The following DENND1A variants were observed in gnomAD, a reference collection of about 807,000 sequenced individuals.
DENND1A encodes DENN domain-containing protein 1A.
In DENND1A, 51 loss-of-function variants were observed where a neutral mutation model predicts 113.7. The ratio of observed to expected loss-of-function variants is 0.45; its 90% CI spans 0.36 to 0.57. DENND1A has a LOEUF of 0.57. DENND1A is among the 20% of genes least tolerant of loss of function. DENND1A has a pLI of 0.00. For synonymous variants in DENND1A, 565 were observed against 570.8 expected (o/e 0.99, Z 0.14); for missense variants, 1,258 against 1,395.9 (o/e 0.90, Z 1.57).
chr9:123,601,634 C>T (rs1019504716), intron 11 of DENND1A, among the ~76,000 whole-genome samples: 2 of 152,218 alleles, frequency 1.3e-5, no homozygotes, highest in African/African-American at 4.8e-5. Flanking sequence ...CAGGGTTTCA[C>T]TGATATAAAC....
chr9:123,867,165 T>C (rs1006811217), intron 2 of DENND1A, among the ~76,000 whole-genome samples: 2 of 152,156 alleles, frequency 1.3e-5, no homozygotes, highest in African/African-American at 4.8e-5. Flanking sequence ...ATGTTTTCAA[T>C]GTAACATAAA....
At chr9:123,680,190 C>T (rs1320212330) in intron 5 of DENND1A, among the ~76,000 whole-genome samples, 1 of 152,202 alleles carries the variant, frequency 6.6e-6, no homozygotes, top group Admixed American at 6.5e-5. Flanking sequence ...AAGGAACAGC[C>T]TGCTCCCCAG....
At chr9:123,468,393 G>A (rs1367264650) in intron 13 of DENND1A, among the ~76,000 whole-genome samples, 1 of 152,214 alleles carries the variant, frequency 6.6e-6, no homozygotes, top group African/African-American at 2.4e-5. Flanking sequence ...ACTGACTCCA[G>A]TGCAGCTAAG....
chr9:123,765,399 A>G (rs1589991475), intron 4 of DENND1A, among the ~76,000 whole-genome samples: 1 of 152,214 alleles, frequency 6.6e-6, no homozygotes, highest in Non-Finnish European at 1.5e-5. Flanking sequence ...GGAAAAGAAC[A>G]TAGGGCAATG....
intron 9 of DENND1A, among the ~76,000 whole-genome samples, chr9:123,646,424 G>C (rs2062331777): frequency 6.6e-6 from 1 of 152,276 alleles, no homozygotes; most frequent in African/African-American, 2.4e-5. Context: ...TTGTTTTGAA[G>C]TCTGGGAGCT....
chr9:123,551,561 CCT>C (rs1230242342), intron 13 of DENND1A, among the ~76,000 whole-genome samples: 1 of 152,176 alleles, frequency 6.6e-6, no homozygotes, highest in Non-Finnish European at 1.5e-5. Flanking sequence ...CGCTCCATCC[CCT>C]GTGTGTAAAG....
At chr9:123,641,954 G>T (rs761996650) in intron 9 of DENND1A, among the ~76,000 whole-genome samples, 1 of 152,174 alleles carries the variant, frequency 6.6e-6, no homozygotes, top group African/African-American at 2.4e-5. Flanking sequence ...CAGAACTGGG[G>T]AATCACTGAC....
intron 1 of DENND1A, among the ~76,000 whole-genome samples, chr9:123,910,484 C>T (rs1418274339): frequency 6.6e-6 from 1 of 152,012 alleles, no homozygotes; most frequent in East Asian, 1.9e-4. Flanking sequence ...GATCACATCA[C>T]GGAACTAAAA....
At chr9:123,622,387 A>G (rs756094502) in intron 10 of DENND1A, among the ~76,000 whole-genome samples, 1 of 152,260 alleles carries the variant, frequency 6.6e-6, no homozygotes, top group Non-Finnish European at 1.5e-5. Flanking sequence ...CATGGGAAAT[A>G]CCATATGGTT....
chr9:123,767,396 A>G (rs1354213286), intron 4 of DENND1A, among the ~76,000 whole-genome samples: 1 of 150,020 alleles, frequency 6.7e-6, no homozygotes, highest in Non-Finnish European at 1.5e-5. Flanking sequence ...CTGTCCTCAA[A>G]TCCTTTTGTA....
chr9:123,399,824 C>A (rs1459409471), intron 21 of DENND1A, among the ~76,000 whole-genome samples: 1 of 152,248 alleles, frequency 6.6e-6, no homozygotes. Flanking sequence ...AGAATGAAAT[C>A]AAGAATTCTG....
intron 11 of DENND1A, among the ~76,000 whole-genome samples, chr9:123,606,845 G>T (rs1269712422): frequency 6.6e-6 from 1 of 152,238 alleles, no homozygotes; most frequent in African/African-American, 2.4e-5. Flanking sequence ...GAACAAGGAA[G>T]CAAACAGCTA....
At chr9:123,705,198 A>G (rs1030686974) in intron 5 of DENND1A, among the ~76,000 whole-genome samples, 1 of 152,220 alleles carries the variant, frequency 6.6e-6, no homozygotes. Flanking sequence ...CAAGAGCAAA[A>G]AAGAATCTCC....
intron 11 of DENND1A, among the ~76,000 whole-genome samples, chr9:123,588,856 C>T (rs1199616440): frequency 6.6e-6 from 1 of 151,766 alleles, no homozygotes; most frequent in Admixed American, 6.6e-5. Context: ...CAACCTCTGC[C>T]TCCTGGGTTC....
At chr9:123,442,963 G>A (rs976565639) in intron 18 of DENND1A, among the ~76,000 whole-genome samples, 2 of 152,144 alleles carry the variant, frequency 1.3e-5, no homozygotes, top group Non-Finnish European at 2.9e-5. Flanking sequence ...AAAACGGAGA[G>A]AGCACCTGCT....
intron 11 of DENND1A, among the ~76,000 whole-genome samples, chr9:123,590,522 C>A (rs556919870): frequency 3.7e-4 from 56 of 152,250 alleles, no homozygotes; most frequent in Non-Finnish European, 7.8e-4. Flanking sequence ...ACCGTACCTA[C>A]CTCACAGATT....
At position 123,630,431 on chromosome 9, in the gene DENND1A, A is replaced by G; in HGVS notation, c.664T>C (p.Tyr222His). ...ACGGGGATGTACACGTGCTGCCAGT[A>G]CATGGGGTAGAGCATCGCCGCAGAC... is the stretch of plus-strand genomic sequence containing the variant. Reference protein sequence around the residue: ...HGSAAMLYPMYWQHVYIPVLP... With the variant: ...HGSAAMLYPMHWQHVYIPVLP... Residue 222 changes from tyrosine to histidine, a missense_variant, in exon 10 of 24, where the codon TAC (tyrosine) becomes CAC (histidine). By Grantham distance (83) the Tyr-to-His change is moderately conservative. This residue lies in a region of DENND1A where 1,159 missense variants were observed against 1,231.7 expected (regional missense o/e 0.94). Transcript: ENST00000394215. 1 of 1,605,554 alleles carries G rather than the reference A, an allele frequency of 6.2e-7. No individual in the cohort carries two copies.
chr9:123,810,566 AAAAC>A (rs1564316005), intron 2 of DENND1A, among the ~76,000 whole-genome samples: 1 of 149,728 alleles, frequency 6.7e-6, no homozygotes, highest in African/African-American at 2.5e-5. Flanking sequence ...AAAAAAAAAA[AAAAC>A]AAACATACTA....
intron 2 of DENND1A, among the ~76,000 whole-genome samples, chr9:123,823,398 G>C (rs1170421260): frequency 6.6e-6 from 1 of 152,120 alleles, no homozygotes; most frequent in Non-Finnish European, 1.5e-5. Flanking sequence ...GAAGGAATGC[G>C]GGTCAAAAGA....
Sources: gnomAD v4.1 joint callset for allele counts (sites outside exome capture counted in the v4.1 genomes callset) on GRCh38, gnomAD v4.1.1 for gene constraint, gnomAD v4.1.1 regional missense constraint, MANE v1.5 for transcripts, NCBI Gene and HGNC (gene_info 2026-07-23, HGNC 2026-07-21) for gene names.